The following CEP85L variants were observed in gnomAD, a reference collection of about 807,000 sequenced individuals.
CEP85L encodes centrosomal protein of 85 kDa-like.
CEP85L carries 60 observed loss-of-function variants against 100.3 expected under a neutral mutation model. The observed-to-expected ratio is 0.60, with a 90% confidence interval of 0.49 to 0.74. The LOEUF (loss-of-function observed/expected upper bound fraction) is 0.74, where lower values mean the gene tolerates loss of function less well. Ranked by LOEUF, CEP85L falls within the 30% of genes least tolerant of loss-of-function variation. The probability of loss-of-function intolerance (pLI) is 0.00; values close to 1 mark genes in which losing one functional copy is unlikely to be tolerated. For synonymous variants in CEP85L, 319 were observed against 322.7 expected (o/e 0.99, Z 0.12); for missense variants, 973 against 936.2 (o/e 1.04, Z -0.51).
chr6:118,537,853 T>G, intron 3 of CEP85L: 1 of 985,266 alleles, frequency 1.0e-6, no homozygotes, highest in Non-Finnish European at 1.2e-6. Context: ...ACTCACAACA[T>G]GTCACGTAAC....
rs564155865 is a variant in CEP85L, at chr6:118,615,180, T to G, written c.232+17273A>C. 9.1e-4 allele frequency among the ~76,000 whole-genome samples: 139 copies of G among 152,314 alleles called. 1 individual carries two copies. Among genetic ancestry groups the G allele is most frequent in the Middle Eastern group, 3.4e-3 (1 of 294 alleles). ...AAGATGTTATTTCTCCCCAATCTGA[T>G]AGCTAAACAACAAAATTCCTATCAA... On this transcript the variant is annotated intron_variant, in intron 2 of 12. Coordinates refer to ENST00000368491, the MANE Select transcript of CEP85L (RefSeq NM_001042475.3).
intron 3 of CEP85L, 124 bp from the exon 4 acceptor site, chr6:118,524,044 T>A: frequency 2.3e-6 from 1 of 433,504 alleles, no homozygotes; most frequent in South Asian, 4.9e-5. Context: ...TTTTAATACT[T>A]TCGGAAATCA....
At chr6:118,489,269 C>A (rs1300104467) in intron 6 of CEP85L, among the ~76,000 whole-genome samples, 2 of 62,106 alleles carry the variant, frequency 3.2e-5, no homozygotes, top group Admixed American at 1.9e-4. Flanking sequence ...AAAGCTCTGT[C>A]TCAAAAAAAA....
At chr6:118,533,672 T>C (rs896815143) in intron 3 of CEP85L, among the ~76,000 whole-genome samples, 2 of 151,972 alleles carry the variant, frequency 1.3e-5, no homozygotes, top group African/African-American at 2.4e-5. Context: ...CAAACCAACA[T>C]CCATCATGAA....
intron 5 of CEP85L, among the ~76,000 whole-genome samples, chr6:118,499,934 A>G (rs750526780): frequency 3.3e-5 from 5 of 152,192 alleles, no homozygotes; most frequent in Non-Finnish European, 7.3e-5. Context: ...TTGGAAAGGA[A>G]GGAAGAAATA....
chr6:118,499,158 A>T (rs1287239015), intron 5 of CEP85L, among the ~76,000 whole-genome samples: 1 of 152,222 alleles, frequency 6.6e-6, no homozygotes, highest in African/African-American at 2.4e-5. Flanking sequence ...GAAAAAAAGG[A>T]TCTAAAATAA....
At chr6:118,482,035 A>G in intron 7 of CEP85L, 102 bp from the exon 8 acceptor site, 1 of 223,162 alleles carries the variant, frequency 4.5e-6, no homozygotes, top group Non-Finnish European at 7.7e-6. Flanking sequence ...TTGTAGCTAA[A>G]AAAAAAAAAA....
At position 118,651,199 on chromosome 6, in the gene CEP85L, G is replaced by T; in HGVS notation, c.71C>A (p.Ala24Asp). The T allele has an allele frequency of 1.3e-6, 2 of 1,495,394 alleles. No homozygotes were observed. Among genetic ancestry groups the T allele is most frequent in the Non-Finnish European group, 8.9e-7 (1 of 1,129,222 alleles). The allele number at this position is 1,495,394 out of a possible 1,614,324, so 92.6% of individuals were successfully genotyped here. ...DSPGGARSFPAGPDYSSAWLP... is the reference protein window; with the variant it reads ...DSPGGARSFPDGPDYSSAWLP... ...CGGGGCGCTGTCCCGTTCCTTACCG[G>T]CAGGGAAGCTGCGGGCTCCGCCGGG... is the stretch of plus-strand genomic sequence containing the variant. Residue 24 changes from alanine to aspartate, a missense_variant and splice_region_variant, in exon 1 of 13, where the codon GCC (alanine) becomes GAC (aspartate). By Grantham distance (126) the Ala-to-Asp change is moderately radical. Coordinates refer to ENST00000368491, the MANE Select transcript of CEP85L (RefSeq NM_001042475.3).
chr6:118,483,606 CAATTA>C, intron 7 of CEP85L, 95 bp downstream of exon 7: 2 of 1,050,858 alleles, frequency 1.9e-6, no homozygotes, highest in Non-Finnish European at 1.4e-6. Flanking sequence ...CCCAAAACAG[CAATTA>C]AACACATAGA....
At chr6:118,560,570 A>T (rs559201408) in intron 3 of CEP85L, 7 of 167,106 alleles carry the variant, frequency 4.2e-5, no homozygotes, top group African/African-American at 1.7e-4. Context: ...GGACCCTTGC[A>T]ATTCAAGCCC....
At chr6:118,652,618 C>T (rs1407312697), upstream of CEP85L, 2 of 1,517,440 alleles carry the variant, frequency 1.3e-6, no homozygotes, top group Non-Finnish European at 1.8e-6. Context: ...TGCATTTTTC[C>T]CTTAAAGACA....
At chr6:118,481,546 T>G (rs1461167839) in intron 8 of CEP85L, among the ~76,000 whole-genome samples, 1 of 152,104 alleles carries the variant, frequency 6.6e-6, no homozygotes, top group Non-Finnish European at 1.5e-5. Flanking sequence ...GATTTTGGAT[T>G]GTCAGAATTA....
chr6:118,614,553 A>T (rs1286616975), intron 2 of CEP85L, among the ~76,000 whole-genome samples: 1 of 152,206 alleles, frequency 6.6e-6, no homozygotes, highest in African/African-American at 2.4e-5. Flanking sequence ...ATATACAAAA[A>T]GCAAATGTGG....
chr6:118,490,816 AAAG>A (rs1027714504), intron 6 of CEP85L, among the ~76,000 whole-genome samples: 1 of 152,212 alleles, frequency 6.6e-6, no homozygotes, highest in Admixed American at 6.5e-5. Flanking sequence ...ACATTGAATA[AAAG>A]AATATATACC....
chr6:118,551,979 T>G (rs989382387), intron 3 of CEP85L, among the ~76,000 whole-genome samples: 1 of 152,042 alleles, frequency 6.6e-6, no homozygotes, highest in African/African-American at 2.4e-5. Context: ...CATTCACTTA[T>G]GGCTTATCAG....
intron 1 of CEP85L, among the ~76,000 whole-genome samples, chr6:118,708,104 A>G (rs1486951830): frequency 6.6e-6 from 1 of 152,264 alleles, no homozygotes. Context: ...GTCGGAATAT[A>G]TAGACAAAGA....
rs577647389 is a variant in CEP85L, at chr6:118,491,423, A to G, written c.1437+263T>C. ...TCATAGACTCAATAAGGAAAAGGAGAACAGTTATTTGGTGTAGGCAATTAA... is the reference window on the plus strand; with the variant it reads ...TCATAGACTCAATAAGGAAAAGGAGGACAGTTATTTGGTGTAGGCAATTAA... On this transcript the variant is annotated intron_variant, in intron 6 of 12. Coordinates refer to ENST00000368491, the MANE Select transcript of CEP85L (RefSeq NM_001042475.3). 2.1e-5 allele frequency: 24 copies of G among 1,116,572 alleles called. No homozygotes were observed. In the South Asian group the frequency reaches 8.1e-4, roughly 38 times the overall value. 69.2% of individuals were successfully genotyped at this position (1,116,572 alleles called of 1,614,324 possible).
chr6:118,585,404 AAC>A (rs1780799581), intron 2 of CEP85L, among the ~76,000 whole-genome samples: 1 of 152,196 alleles, frequency 6.6e-6, no homozygotes, highest in Non-Finnish European at 1.5e-5. Flanking sequence ...ATCAAAAGGG[AAC>A]AGATGAGGTA....
intron 3 of CEP85L, among the ~76,000 whole-genome samples, chr6:118,543,002 T>C (rs1777997588): frequency 6.6e-6 from 1 of 151,382 alleles, no homozygotes; most frequent in African/African-American, 2.4e-5. Context: ...TTTAACCTTA[T>C]AAGGAAAGTA....
Sources: gnomAD v4.1 joint callset for allele counts (sites outside exome capture counted in the v4.1 genomes callset) on GRCh38, gnomAD v4.1.1 for gene constraint, MANE v1.5 for transcripts, NCBI Gene and HGNC (gene_info 2026-07-23, HGNC 2026-07-21) for gene names.